CPEB3: variants seen among roughly 807,000 people sequenced by gnomAD.
CPEB3 encodes the protein cytoplasmic polyadenylation element binding protein 3.
CPEB3 carries 20 observed loss-of-function variants against 67.2 expected under a neutral mutation model. The observed-to-expected ratio is 0.30, with a 90% CI of 0.21 to 0.43. CPEB3 has a LOEUF of 0.43. Among genes scored for constraint, CPEB3 ranks in the 20% least tolerant of loss-of-function variants. The probability of loss-of-function intolerance (pLI) is 1.00; values close to 1 mark genes in which losing one functional copy is unlikely to be tolerated. For synonymous variants in CPEB3, 376 were observed against 393.1 expected (o/e 0.96, Z 0.51); for missense variants, 746 against 968.6 (o/e 0.77, Z 3.05).
Position 92,081,296 on chromosome 10 carries a change from GTTTCACCCTAA to G in CPEB3, c.1869+13_1869+23del. On this transcript the variant is annotated intron_variant, in intron 9 of 9. Transcript: ENST00000265997. ...CAAACTTCTTTTCTCTCCCATAGCA[GTTTCACCCTAA>G]GTAGGTGCTTACCCGTTTGTCAATG... 6.2e-7 allele frequency: 1 copy of G among 1,613,858 alleles called. No individual in the cohort carries two copies. Among genetic ancestry groups the G allele is most frequent in the South Asian group, 1.1e-5 (1 of 91,070 alleles).
At chr10:92,084,515 T>C (rs1426152454) in intron 8 of CPEB3, among the ~76,000 whole-genome samples, 2 of 152,178 alleles carry the variant, frequency 1.3e-5, no homozygotes, top group East Asian at 1.9e-4. Context: ...AAGAGGTTTT[T>C]GGGAGAAGAG....
chr10:92,213,441 TTCTG>T (rs376617587), intron 2 of CPEB3, among the ~76,000 whole-genome samples: 12 of 152,224 alleles, frequency 7.9e-5, no homozygotes, highest in African/African-American at 2.7e-4. Flanking sequence ...AAATAAGTTG[TTCTG>T]TCTAATGATT....
At chr10:92,188,180 A>T (rs1174184210) in intron 3 of CPEB3, among the ~76,000 whole-genome samples, 1 of 152,050 alleles carries the variant, frequency 6.6e-6, no homozygotes, top group Non-Finnish European at 1.5e-5. Flanking sequence ...TGGGTGAAAG[A>T]GCAAGAACCT....
Position 92,049,615 on chromosome 10 carries a change from T to C in CPEB3, c.*2597A>G, listed in dbSNP as rs1852214368. The C allele has an allele frequency of 6.6e-6, 1 of 152,642 alleles. No homozygotes were observed. Among genetic ancestry groups the C allele is most frequent in the African/African-American group, 2.4e-5 (1 of 41,472 alleles). 9.5% of individuals were successfully genotyped at this position (152,642 alleles called of 1,614,324 possible). A position where few individuals can be genotyped will look rare whatever the true frequency, so the allele number is the denominator to read the frequency against. ...TAGAAATATACAAATTAAGGGAAAGTAGTTTCCACCATCTATTCACAACTT... is the reference window on the plus strand; with the variant it reads ...TAGAAATATACAAATTAAGGGAAAGCAGTTTCCACCATCTATTCACAACTT... On this transcript the variant is annotated 3_prime_UTR_variant, in exon 10 of 10. Transcript: ENST00000265997.
At chr10:92,263,083 T>G (rs1345186867) in intron 1 of CPEB3, among the ~76,000 whole-genome samples, 2 of 152,156 alleles carry the variant, frequency 1.3e-5, no homozygotes, top group East Asian at 3.9e-4. Flanking sequence ...AGCATTTTTT[T>G]GTTGTTGTTG....
chr10:92,251,991 AC>A (rs1207838174), intron 1 of CPEB3, among the ~76,000 whole-genome samples: 1 of 152,042 alleles, frequency 6.6e-6, no homozygotes, highest in East Asian at 1.9e-4. Context: ...CATAAGTAAG[AC>A]AGTATTCGAA....
chr10:92,268,765 T>C (rs1331371973), intron 1 of CPEB3, among the ~76,000 whole-genome samples: 1 of 151,964 alleles, frequency 6.6e-6, no homozygotes, highest in Non-Finnish European at 1.5e-5. Context: ...TGGGAGGGGG[T>C]GGCAGAACAA....
intron 9 of CPEB3, among the ~76,000 whole-genome samples, chr10:92,072,966 C>T (rs540640341): frequency 1.3e-5 from 2 of 151,250 alleles, no homozygotes; most frequent in African/African-American, 4.9e-5. Flanking sequence ...ATAAGGTAAG[C>T]CTTTATTTAT....
At chr10:92,080,587 T>A (rs1043721487) in intron 9 of CPEB3, among the ~76,000 whole-genome samples, 1 of 151,728 alleles carries the variant, frequency 6.6e-6, no homozygotes, top group African/African-American at 2.4e-5. Flanking sequence ...CAATGTATGA[T>A]CTTGCAATTT....
chr10:92,105,800 AC>A (rs1453991282), intron 7 of CPEB3, among the ~76,000 whole-genome samples: 1 of 148,482 alleles, frequency 6.7e-6, no homozygotes, highest in Non-Finnish European at 1.5e-5. Context: ...GCTCACTGCA[AC>A]CTCTGCCTCC....
chr10:92,191,106 T>C (rs1848959018), intron 3 of CPEB3, among the ~76,000 whole-genome samples: 1 of 152,202 alleles, frequency 6.6e-6, no homozygotes, highest in Non-Finnish European at 1.5e-5. Flanking sequence ...TTTTTTTTAA[T>C]ATTTTCCTTA....
chr10:92,061,146 C>T (rs553358234), intron 9 of CPEB3, among the ~76,000 whole-genome samples: 23 of 152,250 alleles, frequency 1.5e-4, no homozygotes, highest in Non-Finnish European at 2.6e-4. Context: ...GGGCCGAGTA[C>T]GATGGCTCAT....
intron 2 of CPEB3, among the ~76,000 whole-genome samples, chr10:92,217,073 T>C (rs1016273059): frequency 7.0e-6 from 1 of 143,874 alleles, no homozygotes; most frequent in Non-Finnish European, 1.5e-5. Context: ...CTGGGCATAG[T>C]GGTATGCGCC....
At chr10:92,153,636 C>T (rs995158271) in intron 4 of CPEB3, among the ~76,000 whole-genome samples, 1 of 152,078 alleles carries the variant, frequency 6.6e-6, no homozygotes, top group Admixed American at 6.6e-5. Context: ...CAAAAACTAG[C>T]CGGGCATGGT....
chr10:92,120,098 C>CAAAAA (rs34785763), intron 6 of CPEB3, among the ~76,000 whole-genome samples: 2 of 45,284 alleles, frequency 4.4e-5, no homozygotes, highest in Non-Finnish European at 7.4e-5. Context: ...ACTAAAAATA[C>CAAAAA]AAAAAAAAAA....
intron 7 of CPEB3, among the ~76,000 whole-genome samples, chr10:92,097,809 T>C (rs1393859467): frequency 6.6e-6 from 1 of 152,132 alleles, no homozygotes. Flanking sequence ...TATCTTCTCC[T>C]TCTTGGAGTT....
intron 1 of CPEB3, among the ~76,000 whole-genome samples, chr10:92,255,962 G>A (rs141817289): frequency 4.5e-4 from 69 of 152,256 alleles, no homozygotes; most frequent in Non-Finnish European, 7.6e-4. Flanking sequence ...GCTACAGACT[G>A]CTTTTAACTA....
At chr10:92,266,555 T>A (rs1853066266) in intron 1 of CPEB3, among the ~76,000 whole-genome samples, 1 of 152,038 alleles carries the variant, frequency 6.6e-6, no homozygotes, top group African/African-American at 2.4e-5. Flanking sequence ...TCCGTCTACA[T>A]GCATGATCAA....
At chr10:92,138,154 C>T (rs1003406608) in intron 6 of CPEB3, 21 of 195,024 alleles carry the variant, frequency 1.1e-4, no homozygotes, top group Non-Finnish European at 1.6e-4. Flanking sequence ...TTACCACTGA[C>T]CCGCAGCCAG....
Sources: gnomAD v4.1 joint callset for allele counts (sites outside exome capture counted in the v4.1 genomes callset) on GRCh38, gnomAD v4.1.1 for gene constraint, MANE v1.5 for transcripts, NCBI Gene and HGNC (gene_info 2026-07-23, HGNC 2026-07-21) for gene names.